The following DOCK3 variants were observed in gnomAD, a reference collection of about 807,000 sequenced individuals.
DOCK3 encodes the protein dedicator of cytokinesis 3, also known as dedicator of cytokinesis protein 3.
In DOCK3, 60 loss-of-function variants were observed where a neutral mutation model predicts 265.6. The ratio of observed to expected loss-of-function variants is 0.23; its 90% CI spans 0.18 to 0.28. DOCK3 has a LOEUF of 0.28. DOCK3 is among the 10% of genes least tolerant of loss of function. The probability of loss-of-function intolerance (pLI) is 1.00; values close to 1 mark genes in which losing one functional copy is unlikely to be tolerated. For missense variants in DOCK3, 1,981 were observed against 2,594.3 expected (o/e 0.76, Z 5.14); for synonymous variants, 881 against 938.0 (o/e 0.94, Z 1.11).
At chr3:50,779,786 C>T (rs554486671) in intron 2 of DOCK3, among the ~76,000 whole-genome samples, 2 of 152,248 alleles carry the variant, frequency 1.3e-5, no homozygotes, top group East Asian at 3.9e-4. Flanking sequence ...GGATCGTGTT[C>T]TTCAGAATCT....
chr3:51,049,913 C>T (rs1236563204), intron 5 of DOCK3, among the ~76,000 whole-genome samples: 1 of 151,594 alleles, frequency 6.6e-6, no homozygotes. Context: ...AGTTGCATGT[C>T]TGTGTACTGA....
At chr3:50,874,086 ATTG>A (rs1157120009) in intron 3 of DOCK3, among the ~76,000 whole-genome samples, 2 of 127,328 alleles carry the variant, frequency 1.6e-5, no homozygotes, top group African/African-American at 6.9e-5. Flanking sequence ...TTTTTGTTAA[ATTG>A]TTGTACTCTT....
chr3:51,356,403 A>G lies in DOCK3; in HGVS notation c.4417-4A>G. On this transcript the variant is annotated splice_region_variant and splice_polypyrimidine_tract_variant and intron_variant, in intron 42 of 52. Coordinates refer to ENST00000266037, the MANE Select transcript of DOCK3 (RefSeq NM_004947.5). ...GCCCATACCTGCCTGTTCCCTCCCT[A>G]CAGAGCCTGTGGATTGAACGTACCA... The G allele has an allele frequency of 1.2e-6, 2 of 1,612,750 alleles. No homozygotes were observed. The highest frequency in any genetic ancestry group is 1.7e-6 in the Non-Finnish European group (2 of 1,179,698).
intron 5 of DOCK3, among the ~76,000 whole-genome samples, chr3:50,994,127 T>C (rs1172322368): frequency 6.6e-6 from 1 of 152,190 alleles, no homozygotes; most frequent in East Asian, 1.9e-4. Flanking sequence ...AGATGACAAG[T>C]AGTGAAGACC....
At chr3:51,275,554 G>A (rs1172920703) in intron 25 of DOCK3, among the ~76,000 whole-genome samples, 1 of 152,114 alleles carries the variant, frequency 6.6e-6, no homozygotes, top group Non-Finnish European at 1.5e-5. Flanking sequence ...GCACAGGGAG[G>A]CAGACCCAGA....
chr3:50,689,179 C>T (rs2035042096), intron 1 of DOCK3, among the ~76,000 whole-genome samples: 1 of 152,230 alleles, frequency 6.6e-6, no homozygotes, highest in African/African-American at 2.4e-5. Context: ...AACCTCTCTG[C>T]TAATGTTAAT....
chr3:51,315,039 G>A lies in DOCK3; in HGVS notation c.3313G>A (p.Val1105Ile). Residue 1105 changes from valine (V) to isoleucine (I), a missense_variant, in exon 32 of 53, where the codon GTC (valine) becomes ATC (isoleucine). By Grantham distance (29) the Val-to-Ile change is conservative. Coordinates refer to ENST00000266037, the MANE Select transcript of DOCK3 (RefSeq NM_004947.5). Reference sequence around the variant, plus strand: ...TGGTCCTTTTCTGGGTGTGACACTGGTCCCACAGCCAGAAGTACGGAATAT... The same window carrying A: ...TGGTCCTTTTCTGGGTGTGACACTGATCCCACAGCCAGAAGTACGGAATAT... ...MIGPFLGVTL[V>I]PQPEVRNIMI... is the part of the protein sequence containing the mutation. The A allele has an allele frequency of 6.2e-7, 1 of 1,612,984 alleles. No homozygotes were observed. Among genetic ancestry groups the A allele is most frequent in the Non-Finnish European group, 8.5e-7 (1 of 1,179,330 alleles).
intron 7 of DOCK3, among the ~76,000 whole-genome samples, chr3:51,087,386 A>G (rs1576023010): frequency 6.6e-6 from 1 of 152,244 alleles, no homozygotes. Context: ...GACAAAAACA[A>G]TATGATCATC....
intron 5 of DOCK3, among the ~76,000 whole-genome samples, chr3:50,970,949 T>C (rs1447480276): frequency 0.013 from 314 of 24,428 alleles, 13 homozygotes; most frequent in African/African-American, 0.04. Flanking sequence ...ATATATATAA[T>C]GTGTGTGTGT....
chr3:51,045,953 C>T (rs1434461263), intron 5 of DOCK3, among the ~76,000 whole-genome samples: 1 of 152,110 alleles, frequency 6.6e-6, no homozygotes, highest in African/African-American at 2.4e-5. Context: ...AGCTCTCCTG[C>T]TCATGGACCC....
intron 1 of DOCK3, among the ~76,000 whole-genome samples, chr3:50,682,391 A>G (rs763663948): frequency 1.3e-5 from 2 of 152,210 alleles, no homozygotes; most frequent in African/African-American, 2.4e-5. Flanking sequence ...CCTTCTACAC[A>G]GAGTGCCTTT....
chr3:50,978,498 C>T (rs545456508), intron 5 of DOCK3, among the ~76,000 whole-genome samples: 3 of 152,316 alleles, frequency 2.0e-5, no homozygotes, highest in Admixed American at 2.0e-4. Flanking sequence ...GGCAGTCTGC[C>T]CGTTCTCAGA....
intron 12 of DOCK3, among the ~76,000 whole-genome samples, chr3:51,207,764 T>A (rs2089295551): frequency 6.6e-6 from 1 of 152,170 alleles, no homozygotes. Flanking sequence ...ACTGGACACA[T>A]CTGAGTAATC....
intron 4 of DOCK3, among the ~76,000 whole-genome samples, chr3:50,904,811 G>C (rs1461084430): frequency 6.6e-6 from 1 of 151,964 alleles, no homozygotes; most frequent in Non-Finnish European, 1.5e-5. Flanking sequence ...TGCTTTTGTT[G>C]CCATTGCTTT....
chr3:51,366,492 G>T (rs187143359), intron 49 of DOCK3, among the ~76,000 whole-genome samples: 17 of 152,142 alleles, frequency 1.1e-4, no homozygotes, highest in Admixed American at 9.8e-4. Context: ...ATCTCCTTCA[G>T]TTCTGCTCTG....
At chr3:50,829,941 A>C (rs543583361) in intron 2 of DOCK3, among the ~76,000 whole-genome samples, 13 of 152,340 alleles carry the variant, frequency 8.5e-5, no homozygotes, top group Non-Finnish European at 1.3e-4. Context: ...TACAGCTCAC[A>C]AATGAAGATT....
chr3:51,044,928 G>C (rs1401882678), intron 5 of DOCK3, among the ~76,000 whole-genome samples: 1 of 152,074 alleles, frequency 6.6e-6, no homozygotes, highest in African/African-American at 2.4e-5. Flanking sequence ...GGAATATTGT[G>C]GTCATTTTGG....
chr3:50,828,774 T>C lies in DOCK3; in HGVS notation c.122-12901T>C, dbSNP rs887193283. Among the ~76,000 whole-genome samples, 3 of 151,472 alleles carry C rather than the reference T, an allele frequency of 2.0e-5. No homozygotes were observed. In the South Asian group the frequency reaches 6.3e-4, roughly 32 times the overall value. On this transcript the variant is annotated intron_variant, in intron 2 of 52. Transcript: ENST00000266037. ...TGTCGCCCAGGCTGGAGTGCAATGG[T>C]GCCATCTCGGCTTACTGCAACCTCT...
chr3:51,085,872 A>G (rs1331468242), intron 7 of DOCK3, among the ~76,000 whole-genome samples: 12 of 152,242 alleles, frequency 7.9e-5, no homozygotes, highest in Admixed American at 7.8e-4. Context: ...GATCAGCGAA[A>G]CAAAAAGTTG....
Sources: gnomAD v4.1 joint callset for allele counts (sites outside exome capture counted in the v4.1 genomes callset) on GRCh38, gnomAD v4.1.1 for gene constraint, MANE v1.5 for transcripts, NCBI Gene and HGNC (gene_info 2026-07-23, HGNC 2026-07-21) for gene names.